PUS7: variants seen among roughly 807,000 people sequenced by gnomAD.
PUS7 encodes the protein pseudouridylate synthase 7 homolog.
Under a neutral mutation model 79.8 loss-of-function variants are expected in PUS7, and 48 were observed. That is an observed-to-expected ratio of 0.60 (90% CI 0.48 to 0.76). The LOEUF (loss-of-function observed/expected upper bound fraction) is 0.76. Among genes scored for constraint, PUS7 ranks in the 30% least tolerant of loss-of-function variants. PUS7 has a pLI of 0.00. For synonymous variants in PUS7, 286 were observed against 272.2 expected, an observed-to-expected ratio of 1.05 and a Z score of -0.50; for missense variants, 729 against 797.6, an observed-to-expected ratio of 0.91 and a Z score of 1.04.
intron 1 of PUS7, among the ~76,000 whole-genome samples, chr7:105,509,184 C>CAAAAAAAAAAAAAAAAAAAAAAAA (rs57095427): frequency 9.0e-5 from 5 of 55,712 alleles, no homozygotes; most frequent in South Asian, 1.1e-3. Flanking sequence ...GACTCCATCT[C>CAAAAAAAAAAAAAAAAAAAAAAAA]AAAAAAAAAA....
chr7:105,517,679 T>C (rs1438357597), intron 1 of PUS7, among the ~76,000 whole-genome samples: 2 of 152,060 alleles, frequency 1.3e-5, no homozygotes, highest in Admixed American at 6.6e-5. Flanking sequence ...GGCAGGAGGA[T>C]TGTGTGAGAC....
chr7:105,456,501 T>A (rs1823194889), downstream of PUS7: 1 of 152,228 alleles, frequency 6.6e-6, no homozygotes, highest in Admixed American at 6.5e-5. Context: ...AAGATTCTTA[T>A]CTGCACTCAT....
Position 105,457,764 on chromosome 7 carries a change from T to TC in PUS7, c.*25_*26insG, listed in dbSNP as rs1823245237. On this transcript the variant is annotated 3_prime_UTR_variant, in exon 16 of 16. Transcript: ENST00000469408. ...CCAGGAAGCAAACACTTGTGTACGT[T>TC]TTCTAATCTGTGGACAAGGTACTGC... is the stretch of plus-strand genomic sequence containing the variant. The TC allele has an allele frequency of 1.2e-6, 2 of 1,608,362 alleles. No homozygotes were observed. Among genetic ancestry groups the TC allele is most frequent in the Non-Finnish European group, 8.5e-7 (1 of 1,176,838 alleles).
intron 13 of PUS7, among the ~76,000 whole-genome samples, chr7:105,463,632 A>G (rs964422385): frequency 8.1e-6 from 1 of 123,860 alleles, no homozygotes; most frequent in African/African-American, 3.1e-5. Flanking sequence ...CCTATTAAAT[A>G]CCTTCTGCAG....
At chr7:105,475,364 G>T (rs1229095018) in intron 9 of PUS7, among the ~76,000 whole-genome samples, 4 of 151,630 alleles carry the variant, frequency 2.6e-5, no homozygotes, top group African/African-American at 7.3e-5. Flanking sequence ...TTTTTATATT[G>T]TTAGTAGAGA....
rs117541545 is a variant in PUS7 at position 105,493,368 on chromosome 7, G to T, written c.843-1751C>A. Among the ~76,000 whole-genome samples the T allele has an allele frequency of 1.1e-3, 169 of 152,334 alleles. 1 individual carries two copies. The East Asian group carries it at 0.019, about 18-fold the overall frequency. On this transcript the variant is annotated intron_variant, in intron 6 of 15. Coordinates refer to ENST00000469408, the MANE Select transcript of PUS7 (RefSeq NM_019042.5). ...AAATCCTGAGCAATCCTCAACTCCCGATCTTGGAGGAACTCCCTCCCCACC... is the reference window on the plus strand; with the variant it reads ...AAATCCTGAGCAATCCTCAACTCCCTATCTTGGAGGAACTCCCTCCCCACC...
intron 12 of PUS7, 151 bp downstream of exon 12, chr7:105,468,186 G>A: frequency 9.7e-7 from 1 of 1,029,618 alleles, no homozygotes; most frequent in African/African-American, 1.6e-5. Flanking sequence ...ACCCACCTTG[G>A]CCACCCAAAG....
Position 105,491,913 on chromosome 7 carries a change from T to G in PUS7, c.843-296A>C, listed in dbSNP as rs142615168. On this transcript the variant is annotated intron_variant, in intron 6 of 15. Coordinates refer to ENST00000469408, the MANE Select transcript of PUS7 (RefSeq NM_019042.5). ...CTGTACTAAAAATACAAAAATTAGC[T>G]GGGCGTGGTAGTGTGTGACTGTAGT... 3.2e-3 allele frequency among the ~76,000 whole-genome samples: 490 copies of G among 151,950 alleles called. 4 individuals carry two copies. The highest frequency in any genetic ancestry group is 0.011 in the African/African-American group (470 of 41,456).
intron 6 of PUS7, among the ~76,000 whole-genome samples, chr7:105,493,240 G>C (rs1180755029): frequency 6.6e-6 from 1 of 152,188 alleles, no homozygotes; most frequent in Non-Finnish European, 1.5e-5. Context: ...ACTGGGATCT[G>C]AATAGTTTTG....
chr7:105,512,093 C>T (rs117426195), intron 1 of PUS7, among the ~76,000 whole-genome samples: 8 of 130,182 alleles, frequency 6.1e-5, no homozygotes, highest in Admixed American at 4.6e-4. Flanking sequence ...TGCAGTGAGT[C>T]GGGACTGCAC....
intron 4 of PUS7, among the ~76,000 whole-genome samples, 189 bp from the exon 5 acceptor site, chr7:105,502,753 G>A (rs1825306846): frequency 6.6e-6 from 1 of 152,196 alleles, no homozygotes. Flanking sequence ...AAGCTGGAGT[G>A]CAGTGGAGTG....
At chr7:105,467,787 G>C (rs1823717727) in intron 12 of PUS7, among the ~76,000 whole-genome samples, 1 of 151,864 alleles carries the variant, frequency 6.6e-6, no homozygotes, top group Non-Finnish European at 1.5e-5. Flanking sequence ...CCAGCACTTT[G>C]GGAGGCCAAG....
At chr7:105,481,644 C>T (rs1824324847) in intron 8 of PUS7, among the ~76,000 whole-genome samples, 1 of 152,176 alleles carries the variant, frequency 6.6e-6, no homozygotes, top group Non-Finnish European at 1.5e-5. Context: ...TACCCCTACC[C>T]TACCCTTTCC....
chr7:105,515,165 C>A (rs899973518), intron 1 of PUS7, among the ~76,000 whole-genome samples: 1 of 152,178 alleles, frequency 6.6e-6, no homozygotes, highest in Non-Finnish European at 1.5e-5. Flanking sequence ...CCTGCTTATG[C>A]TTAAACCGTA....
intron 13 of PUS7, among the ~76,000 whole-genome samples, chr7:105,464,096 C>T (rs1160575678): frequency 6.6e-6 from 1 of 152,192 alleles, no homozygotes; most frequent in Non-Finnish European, 1.5e-5. Flanking sequence ...ATCCTGGCTA[C>T]AAGGTTTTCA....
chr7:105,468,522 C>T (rs1396738678), intron 11 of PUS7, 59 bp from the exon 12 acceptor site: 11 of 1,170,408 alleles, frequency 9.4e-6, no homozygotes, highest in East Asian at 5.7e-5. Flanking sequence ...AAGTGCTGTA[C>T]TTTTTTTTTT....
chr7:105,512,237 A>T (rs1339003825), intron 1 of PUS7, among the ~76,000 whole-genome samples: 1 of 152,014 alleles, frequency 6.6e-6, no homozygotes, highest in Non-Finnish European at 1.5e-5. Context: ...ATAGAAGTAG[A>T]CCACAACTGT....
chr7:105,505,953 A>C lies in PUS7; in HGVS notation c.585+2T>G. The C allele has an allele frequency of 6.3e-7, 1 of 1,599,806 alleles. No individual in the cohort carries two copies. The highest frequency in any genetic ancestry group is 8.5e-7 in the Non-Finnish European group (1 of 1,173,518). On this transcript the variant is annotated splice_donor_variant, in intron 4 of 15. Transcript: ENST00000469408. LOFTEE classifies it high-confidence loss of function. ...TTTTTCATATATTTTTGCATTAGTTACCTCAATGGCAACACTGGTTTCCTT... is the reference window on the plus strand; with the variant it reads ...TTTTTCATATATTTTTGCATTAGTTCCCTCAATGGCAACACTGGTTTCCTT...
At chr7:105,498,677 G>A (rs959535865) in intron 5 of PUS7, among the ~76,000 whole-genome samples, 1 of 152,126 alleles carries the variant, frequency 6.6e-6, no homozygotes, top group African/African-American at 2.4e-5. Flanking sequence ...TCACACCCCT[G>A]CACACCAACC....
Sources: allele counts gnomAD v4.1 joint callset (sites outside exome capture counted in the v4.1 genomes callset), GRCh38; gene constraint gnomAD v4.1.1; transcripts MANE v1.5; gene names NCBI Gene and HGNC (gene_info 2026-07-23, HGNC 2026-07-21).